PARD3B: variants seen among roughly 807,000 people sequenced by gnomAD.
The protein encoded by PARD3B is par-3 family cell polarity regulator beta, also known as partitioning defective 3 homolog B.
A neutral mutation model predicts 130.2 loss-of-function variants in PARD3B; 103 were observed. The observed-to-expected ratio is 0.79, with a 90% CI of 0.67 to 0.93. The LOEUF (loss-of-function observed/expected upper bound fraction) is 0.93. PARD3B is among the 40% of genes least tolerant of loss of function. PARD3B has a pLI of 0.00. For missense variants in PARD3B, 1,609 were observed against 1,499.2 expected, an observed-to-expected ratio of 1.07 and a Z score of -1.21; for synonymous variants, 583 against 553.2, an observed-to-expected ratio of 1.05 and a Z score of -0.76.
At chr2:205,581,881 G>A (rs1043607868) in intron 22 of PARD3B, among the ~76,000 whole-genome samples, 2 of 152,174 alleles carry the variant, frequency 1.3e-5, no homozygotes, top group African/African-American at 4.8e-5. Context: ...CTGTGGCAAC[G>A]TTTGTGGATG....
intron 18 of PARD3B, among the ~76,000 whole-genome samples, chr2:205,338,040 G>A (rs2105797868): frequency 6.6e-6 from 1 of 151,258 alleles, no homozygotes; most frequent in East Asian, 2.0e-4. Context: ...TGTAATCCCA[G>A]CTACTCGGGA....
intron 2 of PARD3B, among the ~76,000 whole-genome samples, chr2:204,879,799 G>A (rs542565785): frequency 1.3e-5 from 2 of 152,312 alleles, no homozygotes; most frequent in South Asian, 4.1e-4. Context: ...TAGCCAAATT[G>A]TGTACTTACA....
chr2:205,245,924 G>T, intron 16 of PARD3B, 102 bp downstream of exon 16: 1 of 954,012 alleles, frequency 1.0e-6, no homozygotes, highest in East Asian at 2.4e-5. Flanking sequence ...TCACTGAAAG[G>T]CTTTCTAATT....
chr2:204,570,798 CT>C (rs2031952792), intron 1 of PARD3B, among the ~76,000 whole-genome samples: 3 of 149,062 alleles, frequency 2.0e-5, no homozygotes, highest in African/African-American at 7.3e-5. Flanking sequence ...GCTGTTGTAA[CT>C]GAGGTGTATA....
intron 15 of PARD3B, among the ~76,000 whole-genome samples, chr2:205,236,121 T>C (rs951673304): frequency 2.0e-5 from 3 of 152,224 alleles, no homozygotes; most frequent in Admixed American, 6.5e-5. Flanking sequence ...TTTGAAAGAT[T>C]CAAATGATCA....
chr2:205,372,636 A>G (rs77196790), intron 18 of PARD3B, among the ~76,000 whole-genome samples: 2,929 of 152,352 alleles, frequency 0.019, 88 homozygotes, highest in African/African-American at 0.066. Flanking sequence ...ATTCTTATCT[A>G]CTAAATGACT....
At chr2:204,694,047 G>T (rs2125259817) in intron 2 of PARD3B, among the ~76,000 whole-genome samples, 1 of 152,036 alleles carries the variant, frequency 6.6e-6, no homozygotes, top group African/African-American at 2.4e-5. Flanking sequence ...TTTTCCATTG[G>T]TAAAATGAGA....
intron 15 of PARD3B, among the ~76,000 whole-genome samples, chr2:205,211,479 T>C (rs2037630216): frequency 6.6e-6 from 1 of 152,044 alleles, no homozygotes; most frequent in Admixed American, 6.6e-5. Context: ...TACCTTTCTT[T>C]AGTGGAAATA....
chr2:204,932,168 T>C (rs540996011), intron 2 of PARD3B, among the ~76,000 whole-genome samples: 20 of 152,224 alleles, frequency 1.3e-4, no homozygotes, highest in African/African-American at 4.6e-4. Context: ...GTATAGAGGA[T>C]TGACACAAAA....
At chr2:204,822,875 A>G (rs1022490822) in intron 2 of PARD3B, among the ~76,000 whole-genome samples, 2 of 152,164 alleles carry the variant, frequency 1.3e-5, no homozygotes, top group African/African-American at 4.8e-5. Context: ...CCCATTTTTA[A>G]GGTAAAAGTA....
chr2:205,247,641 A>C (rs1317284151), intron 16 of PARD3B, among the ~76,000 whole-genome samples: 1 of 152,116 alleles, frequency 6.6e-6, no homozygotes, highest in Non-Finnish European at 1.5e-5. Context: ...TATATTTTTA[A>C]GTGCTATTAT....
chr2:205,027,906 CT>C (rs1220215132), intron 3 of PARD3B, among the ~76,000 whole-genome samples: 2 of 152,082 alleles, frequency 1.3e-5, no homozygotes, highest in Admixed American at 1.3e-4. Context: ...GCTCTCTGTT[CT>C]GTTCCATTGG....
At chr2:204,576,544 C>A (rs1034293197) in intron 1 of PARD3B, among the ~76,000 whole-genome samples, 4 of 151,858 alleles carry the variant, frequency 2.6e-5, no homozygotes, top group Admixed American at 6.6e-5. Flanking sequence ...TTTCAATTAA[C>A]AATAAAATAA....
intron 1 of PARD3B, among the ~76,000 whole-genome samples, chr2:204,630,187 A>C (rs945921531): frequency 6.6e-6 from 1 of 152,144 alleles, no homozygotes; most frequent in African/African-American, 2.4e-5. Context: ...AATCTGATCC[A>C]AACTGGTTTT....
At chr2:205,169,228 G>C (rs565588835) in intron 11 of PARD3B, among the ~76,000 whole-genome samples, 1 of 152,246 alleles carries the variant, frequency 6.6e-6, no homozygotes, top group South Asian at 2.1e-4. Flanking sequence ...CAGTGAGAGT[G>C]TGTGGATTTT....
chr2:204,583,485 G>A (rs1338316418), intron 1 of PARD3B, among the ~76,000 whole-genome samples: 1 of 107,220 alleles, frequency 9.3e-6, no homozygotes, highest in Non-Finnish European at 1.9e-5. Context: ...TGGGGTGGGG[G>A]GAGGGGGGAG....
chr2:205,238,850 ATATATATAT>A lies in PARD3B; in HGVS notation c.2141-6927_2141-6919del, dbSNP rs1222498272. ...AACTCCGTTTCAAAAAAAAAAAAAA[ATATATATAT>A]ATATATATATATATATATGTATGTG... On this transcript the variant is annotated intron_variant, in intron 15 of 22. Transcript: ENST00000406610. Among the ~76,000 whole-genome samples, 5 of 65,916 alleles carry A rather than the reference ATATATATAT, an allele frequency of 7.6e-5. 1 individual carries two copies. Among genetic ancestry groups the A allele is most frequent in the African/African-American group, 1.9e-4 (3 of 16,038 alleles). 43.2% of individuals were successfully genotyped at this position (65,916 alleles called of 152,430 possible).
chr2:205,216,178 A>G (rs184962089), intron 15 of PARD3B, among the ~76,000 whole-genome samples: 27 of 152,296 alleles, frequency 1.8e-4, no homozygotes, highest in East Asian at 1.5e-3. Context: ...AATTGCCTAT[A>G]GTATTCACTA....
chr2:204,610,999 T>C lies in PARD3B; in HGVS notation c.120+64880T>C. Among the ~76,000 whole-genome samples, 1 of 152,144 alleles carries C rather than the reference T, an allele frequency of 6.6e-6. No individual in the cohort carries two copies. Among genetic ancestry groups the C allele is most frequent in the Non-Finnish European group, 1.5e-5 (1 of 68,020 alleles). ...GAAATCATTTCTCTCATACCATCCC[T>C]CCAGCAGCGGTCAGAGAATTGAGTA... On this transcript the variant is annotated intron_variant, in intron 1 of 22. Transcript: ENST00000406610. This position sits in a 1 kb window ranked among gnomAD's most constrained non-coding sequence, Gnocchi z 4.1.
Sources: allele counts gnomAD v4.1 joint callset (sites outside exome capture counted in the v4.1 genomes callset), GRCh38; gene constraint gnomAD v4.1.1; non-coding constraint Gnocchi (gnomAD v3.1); transcripts MANE v1.5; gene names NCBI Gene and HGNC (gene_info 2026-07-23, HGNC 2026-07-21).